USH2A: variants seen among roughly 807,000 people sequenced by gnomAD.
The protein encoded by USH2A is Usher syndrome 2A (autosomal recessive, mild).
A neutral mutation model predicts 538.9 loss-of-function variants in USH2A; 443 were observed. The ratio of observed to expected loss-of-function variants is 0.82; its 90% CI spans 0.76 to 0.89. The LOEUF (loss-of-function observed/expected upper bound fraction) is 0.89, where lower values mean the gene tolerates loss of function less well. USH2A is among the 40% of genes least tolerant of loss of function. The pLI is 0.00. For missense variants in USH2A, 6,633 were observed against 6,324.8 expected, an observed-to-expected ratio of 1.05 and a Z score of -1.65; for synonymous variants, 2,413 against 2,273.5, an observed-to-expected ratio of 1.06 and a Z score of -1.75.
chr1:215,801,198 C>T (rs957075263), intron 49 of USH2A, among the ~76,000 whole-genome samples: 6 of 151,944 alleles, frequency 3.9e-5, no homozygotes, highest in East Asian at 1.9e-4. Context: ...CAGTGAAAGA[C>T]GGAAAACTTT....
At chr1:216,286,251 A>G (rs918616637) in intron 11 of USH2A, among the ~76,000 whole-genome samples, 1 of 152,152 alleles carries the variant, frequency 6.6e-6, no homozygotes, top group African/African-American at 2.4e-5. Context: ...AGTTTCCCCC[A>G]TTCTGTTCTA....
At chr1:216,036,998 A>T (rs1184030457) in intron 32 of USH2A, among the ~76,000 whole-genome samples, 1 of 152,174 alleles carries the variant, frequency 6.6e-6, no homozygotes, top group Non-Finnish European at 1.5e-5. Flanking sequence ...AATCAAGGTC[A>T]AGACATTTTT....
intron 19 of USH2A, among the ~76,000 whole-genome samples, chr1:216,192,727 T>A (rs1413402820): frequency 1.3e-5 from 2 of 151,628 alleles, no homozygotes; most frequent in Non-Finnish European, 2.9e-5. Context: ...AAAAAGAGAA[T>A]AAGGTGATAT....
chr1:215,877,999 A>T, intron 42 of USH2A, 119 bp from the exon 43 acceptor site: 1 of 1,402,118 alleles, frequency 7.1e-7, no homozygotes, highest in Non-Finnish European at 9.9e-7. Flanking sequence ...AAAGAATAAC[A>T]TCTTAAGTTT....
At chr1:215,639,067 A>C in intron 69 of USH2A, 88 bp downstream of exon 69, 1 of 1,220,712 alleles carries the variant, frequency 8.2e-7, no homozygotes, top group Non-Finnish European at 1.2e-6. Context: ...CTAATATATT[A>C]GGACTCCAAG....
intron 30 of USH2A, among the ~76,000 whole-genome samples, chr1:216,054,098 T>C (rs2030890215): frequency 6.6e-6 from 1 of 152,184 alleles, no homozygotes; most frequent in Admixed American, 6.5e-5. Flanking sequence ...CTGCTTTCCT[T>C]ATCCTCTATC....
chr1:215,974,877 T>A (rs1314830803), intron 35 of USH2A, among the ~76,000 whole-genome samples: 1 of 152,204 alleles, frequency 6.6e-6, no homozygotes, highest in Admixed American at 6.5e-5. Flanking sequence ...CTGGGTCAAA[T>A]GGTGGTTCTG....
intron 8 of USH2A, among the ~76,000 whole-genome samples, chr1:216,323,198 T>C (rs113538455): frequency 0.017 from 2,599 of 150,046 alleles, 40 homozygotes; most frequent in Non-Finnish European, 0.027. Context: ...CAGAGTATCA[T>C]AGCTTCTAAA....
At chr1:216,055,625 A>G (rs1316320450) in intron 30 of USH2A, among the ~76,000 whole-genome samples, 1 of 152,226 alleles carries the variant, frequency 6.6e-6, no homozygotes, top group Non-Finnish European at 1.5e-5. Flanking sequence ...CATTTGTTAA[A>G]TATGGATGAA....
At position 216,031,471 on chromosome 1, in the gene USH2A, A is replaced by G. The variant is rs75234728; in HGVS notation, c.6325+14960T>C. Among the ~76,000 whole-genome samples, 91 of 152,318 alleles carry G rather than the reference A, an allele frequency of 6.0e-4. No homozygotes were observed. In the East Asian group the frequency reaches 0.017, roughly 29 times the overall value. On this transcript the variant is annotated intron_variant, in intron 32 of 71. Transcript: ENST00000307340. ...ACAATAGAGCTGTTAACAAATAAAC[A>G]TAATGCGTTTCTCTCCTCTCCTCAT...
intron 9 of USH2A, among the ~76,000 whole-genome samples, chr1:216,301,251 C>T (rs981683827): frequency 6.6e-6 from 1 of 152,018 alleles, no homozygotes; most frequent in Non-Finnish European, 1.5e-5. Flanking sequence ...ATATGAAGTC[C>T]TTGCAAAAGG....
Position 216,140,265 on chromosome 1 carries a change from C to T in USH2A, c.4627+34987G>A, listed in dbSNP as rs150183979. Reference sequence around the variant, plus strand: ...TCCCACAAAGAAAGGAATTTTGTCTCTTATGCTTTCCAGGGGCATGCACAG... The same window carrying T: ...TCCCACAAAGAAAGGAATTTTGTCTTTTATGCTTTCCAGGGGCATGCACAG... On this transcript the variant is annotated intron_variant, in intron 21 of 71. Coordinates refer to ENST00000307340, the MANE Select transcript of USH2A (RefSeq NM_206933.4). 6.0e-4 allele frequency among the ~76,000 whole-genome samples: 91 copies of T among 152,252 alleles called. 1 individual carries two copies. The highest frequency in any genetic ancestry group is 2.1e-3 in the African/African-American group (88 of 41,548).
chr1:215,955,279 G>A (rs1325798440), intron 37 of USH2A, among the ~76,000 whole-genome samples: 1 of 152,036 alleles, frequency 6.6e-6, no homozygotes, highest in African/African-American at 2.4e-5. Flanking sequence ...GTGATGATTT[G>A]GAGAAATAGG....
At chr1:215,748,642 A>G (rs1660547273) in intron 58 of USH2A, among the ~76,000 whole-genome samples, 1 of 152,164 alleles carries the variant, frequency 6.6e-6, no homozygotes, top group Admixed American at 6.5e-5. Flanking sequence ...ACATGCCATC[A>G]TTCTTGTTGA....
chr1:216,312,416 C>T (rs1426910904), intron 9 of USH2A, among the ~76,000 whole-genome samples: 1 of 151,870 alleles, frequency 6.6e-6, no homozygotes, highest in Non-Finnish European at 1.5e-5. Context: ...TTCTTCTTCC[C>T]CATTATATGT....
At chr1:216,398,471 G>T (rs930499677) in intron 3 of USH2A, among the ~76,000 whole-genome samples, 1 of 152,012 alleles carries the variant, frequency 6.6e-6, no homozygotes, top group Non-Finnish European at 1.5e-5. Flanking sequence ...GCCTACAAGA[G>T]AAAACCTTTT....
At chr1:215,813,703 T>C (rs1164224909) in intron 49 of USH2A, 33 bp downstream of exon 49, 5 of 1,613,304 alleles carry the variant, frequency 3.1e-6, no homozygotes, top group African/African-American at 1.3e-5. Context: ...CAGGTTCCCA[T>C]AGTTTTTGAG....
In USH2A at chr1:216,097,126, AG is replaced by A; in HGVS notation, c.4714del (p.Leu1572PhefsTer3). 1.2e-6 allele frequency: 2 copies of A among 1,614,142 alleles called. No individual in the cohort carries two copies. Among genetic ancestry groups the A allele is most frequent in the Non-Finnish European group, 1.7e-6 (2 of 1,180,014 alleles). ...SPGNQEEYFA[L>X]QLKKGRLYFL... ...ATAAAGACGTCCCTTCTTCAACTGA[AG>A]TGCAAAATACTCTTCCTGATTGCCA... On this transcript the variant is annotated frameshift_variant, in exon 22 of 72. Transcript: ENST00000307340. LOFTEE classifies it high-confidence loss of function.
At position 215,675,686 on chromosome 1, in the gene USH2A, T is replaced by C. The variant is rs1023746857; in HGVS notation, c.12295-70A>G. ...TTCTTTGTGTAGTTACTTAGCCCCT[T>C]TTTAACCTTCACCCCCTTGTTCCTT... On this transcript the variant is annotated intron_variant, in intron 62 of 71. Coordinates refer to ENST00000307340, the MANE Select transcript of USH2A (RefSeq NM_206933.4). 1.4e-5 allele frequency: 23 copies of C among 1,611,366 alleles called. No homozygotes were observed. In the African/African-American group the frequency reaches 2.8e-4, roughly 20 times the overall value.
Sources: allele counts gnomAD v4.1 joint callset (sites outside exome capture counted in the v4.1 genomes callset), GRCh38; gene constraint gnomAD v4.1.1; transcripts MANE v1.5; gene names NCBI Gene and HGNC (gene_info 2026-07-23, HGNC 2026-07-21).